Variants in PRKG1 observed in about 807,000 individuals in gnomAD.
PRKG1 encodes the protein protein kinase cGMP-dependent 1, also known as cGMP-dependent protein kinase 1.
Under a neutral mutation model 88.1 loss-of-function variants are expected in PRKG1, and 35 were observed. That is an observed-to-expected ratio of 0.40 (90% confidence interval 0.30 to 0.53). The LOEUF (loss-of-function observed/expected upper bound fraction) is 0.53. Among genes scored for constraint, PRKG1 ranks in the 20% least tolerant of loss-of-function variants. The pLI is 0.59. For synonymous variants in PRKG1, 303 were observed against 292.5 expected, an observed-to-expected ratio of 1.04 and a Z score of -0.37; for missense variants, 540 against 839.8, an observed-to-expected ratio of 0.64 and a Z score of 4.41.
chr10:51,093,732 T>G (rs574156681), intron 1 of PRKG1, among the ~76,000 whole-genome samples: 111 of 146,882 alleles, frequency 7.6e-4, no homozygotes, highest in African/African-American at 2.5e-3. Context: ...GTGTGTGTAT[T>G]TTATATATAT....
intron 4 of PRKG1, among the ~76,000 whole-genome samples, chr10:51,865,907 AC>A (rs1410357886): frequency 1.3e-5 from 2 of 152,038 alleles, no homozygotes; most frequent in African/African-American, 4.8e-5. Flanking sequence ...AGAATATGGA[AC>A]ATAAATATAT....
At chr10:52,015,096 A>T (rs186582686) in intron 5 of PRKG1, among the ~76,000 whole-genome samples, 1 of 152,284 alleles carries the variant, frequency 6.6e-6, no homozygotes, top group East Asian at 1.9e-4. Flanking sequence ...CAGTGCCCCA[A>T]TGGGGACTCT....
chr10:51,912,055 G>C (rs556525943), intron 5 of PRKG1, among the ~76,000 whole-genome samples: 5 of 152,318 alleles, frequency 3.3e-5, no homozygotes, highest in Admixed American at 2.0e-4. Flanking sequence ...AAGTGAGAAG[G>C]CTACTTCTGT....
intron 10 of PRKG1, among the ~76,000 whole-genome samples, chr10:52,266,564 T>C (rs1841575753): frequency 1.3e-5 from 2 of 152,066 alleles, no homozygotes; most frequent in Admixed American, 6.6e-5. Context: ...TTCCTTTTTA[T>C]AGCATCCACA....
chr10:51,033,912 T>C (rs1402764300), intron 1 of PRKG1, among the ~76,000 whole-genome samples: 1 of 152,210 alleles, frequency 6.6e-6, no homozygotes, highest in East Asian at 1.9e-4. Context: ...ACTATCTCTG[T>C]TGTCCCTTTA....
At chr10:52,094,840 C>T (rs1847137850) in intron 7 of PRKG1, among the ~76,000 whole-genome samples, 1 of 152,142 alleles carries the variant, frequency 6.6e-6, no homozygotes, top group South Asian at 2.1e-4. Flanking sequence ...CTAAATACCT[C>T]CCAAGACCCC....
At chr10:52,118,673 T>G (rs1439657207) in intron 7 of PRKG1, among the ~76,000 whole-genome samples, 3 of 152,102 alleles carry the variant, frequency 2.0e-5, no homozygotes, top group Non-Finnish European at 4.4e-5. Context: ...GTACTTTTCA[T>G]TTGAATTGGA....
At chr10:52,208,165 T>C (rs190507764) in intron 9 of PRKG1, among the ~76,000 whole-genome samples, 2 of 152,352 alleles carry the variant, frequency 1.3e-5, no homozygotes, top group Admixed American at 6.5e-5. Context: ...ACCATAGTTA[T>C]GATCTTGTTA....
At chr10:51,969,274 A>G (rs1482244927) in intron 5 of PRKG1, among the ~76,000 whole-genome samples, 2 of 152,124 alleles carry the variant, frequency 1.3e-5, no homozygotes, top group Non-Finnish European at 2.9e-5. Flanking sequence ...TCCTGCCTTC[A>G]TTTCTCCCTA....
intron 3 of PRKG1, among the ~76,000 whole-genome samples, chr10:51,720,549 C>T (rs903915293): frequency 6.6e-6 from 1 of 152,114 alleles, no homozygotes; most frequent in East Asian, 1.9e-4. Context: ...TTTGTCTGCA[C>T]TTTGGGAAGC....
intron 8 of PRKG1, among the ~76,000 whole-genome samples, chr10:52,155,534 G>T (rs1838068410): frequency 6.6e-6 from 1 of 151,882 alleles, no homozygotes; most frequent in Admixed American, 6.6e-5. Context: ...CATTAAGTTG[G>T]TTATAGTATA....
At chr10:51,313,771 C>T (rs1216287863) in intron 2 of PRKG1, among the ~76,000 whole-genome samples, 1 of 152,130 alleles carries the variant, frequency 6.6e-6, no homozygotes, top group African/African-American at 2.4e-5. Context: ...CAGAAACGTC[C>T]TCCTGTATAC....
At chr10:51,891,961 T>G (rs1841732587) in intron 4 of PRKG1, among the ~76,000 whole-genome samples, 1 of 152,180 alleles carries the variant, frequency 6.6e-6, no homozygotes, top group Non-Finnish European at 1.5e-5. Context: ...AGAGAAATTA[T>G]CAAGCAAGTT....
intron 2 of PRKG1, among the ~76,000 whole-genome samples, chr10:51,378,802 G>A (rs1366438866): frequency 6.6e-6 from 1 of 152,012 alleles, no homozygotes; most frequent in Non-Finnish European, 1.5e-5. Context: ...TGTCACTCAT[G>A]GGGGGATTAT....
At chr10:51,267,865 G>A (rs1215539623) in intron 2 of PRKG1, among the ~76,000 whole-genome samples, 2 of 152,076 alleles carry the variant, frequency 1.3e-5, no homozygotes, top group South Asian at 2.1e-4. Context: ...ACACAGAGTG[G>A]GAGAAAATAT....
chr10:51,372,932 A>G (rs1842733713), intron 2 of PRKG1, among the ~76,000 whole-genome samples: 1 of 152,030 alleles, frequency 6.6e-6, no homozygotes, highest in South Asian at 2.1e-4. Context: ...TCTTTTGCTT[A>G]TATTTTGTTT....
rs111644695 is a variant in PRKG1, at chr10:51,801,549, A to C, written c.593-3036A>C. Among the ~76,000 whole-genome samples the C allele has an allele frequency of 4.4e-3, 667 of 152,272 alleles. 8 individuals carry two copies. The highest frequency in any genetic ancestry group is 0.015 in the African/African-American group (643 of 41,568). On this transcript the variant is annotated intron_variant, in intron 3 of 17. Transcript: ENST00000373980. Reference sequence around the variant, plus strand: ...GCACCAGTGTTTGCCATATTGGTATAAAATAAATATGAGCTGAATAAATAT... The same window carrying C: ...GCACCAGTGTTTGCCATATTGGTATCAAATAAATATGAGCTGAATAAATAT...
chr10:51,187,507 C>G (rs1268523907), intron 2 of PRKG1, among the ~76,000 whole-genome samples: 1 of 151,938 alleles, frequency 6.6e-6, no homozygotes, highest in Non-Finnish European at 1.5e-5. Flanking sequence ...TCAGATTTTA[C>G]CATGTATTTG....
At chr10:51,054,247 G>A (rs1192911192) in intron 1 of PRKG1, among the ~76,000 whole-genome samples, 1 of 152,088 alleles carries the variant, frequency 6.6e-6, no homozygotes, top group East Asian at 1.9e-4. Flanking sequence ...TCTGAGGAAT[G>A]TGTTCCAATT....
Sources: gnomAD v4.1 joint callset for allele counts (sites outside exome capture counted in the v4.1 genomes callset) on GRCh38, gnomAD v4.1.1 for gene constraint, MANE v1.5 for transcripts, NCBI Gene and HGNC (gene_info 2026-07-23, HGNC 2026-07-21) for gene names.